TMEM63C: variants seen among roughly 807,000 people sequenced by gnomAD.
TMEM63C encodes osmosensitive cation channel TMEM63C.
A neutral mutation model predicts 99.2 loss-of-function variants in TMEM63C; 32 were observed. The ratio of observed to expected loss-of-function variants is 0.32; its 90% confidence interval spans 0.24 to 0.43. The LOEUF is 0.43. Ranked by LOEUF, TMEM63C falls within the 20% of genes least tolerant of loss-of-function variation. TMEM63C has a pLI of 1.00. For missense variants in TMEM63C, 826 were observed against 1,053.0 expected (o/e 0.78, Z 2.98); for synonymous variants, 376 against 397.9 (o/e 0.94, Z 0.66).
At chr14:77,201,717 G>A (rs535192389) in intron 1 of TMEM63C, among the ~76,000 whole-genome samples, 3 of 152,350 alleles carry the variant, frequency 2.0e-5, no homozygotes, top group Admixed American at 2.0e-4. Flanking sequence ...ACCCATTGCT[G>A]TAATGTTTCA....
chr14:77,201,394 G>A (rs531708342), intron 1 of TMEM63C, among the ~76,000 whole-genome samples: 39 of 152,352 alleles, frequency 2.6e-4, no homozygotes, highest in African/African-American at 9.1e-4. Flanking sequence ...GAGAGACAGT[G>A]AGACGGAAAG....
rs757417493 is a variant in TMEM63C at position 77,225,447 on chromosome 14, C to T, written c.336C>T (p.Asn112=). The T allele has an allele frequency of 3.1e-6, 5 of 1,613,250 alleles. No homozygotes were observed. The highest frequency in any genetic ancestry group is 1.6e-4 in the Middle Eastern group (1 of 6,078). ...RDKGFCSWFF[N]SITMKDEDLI... ...AGGGATTCTGTTCCTGGTTCTTCAACAGCATAACAATGAAGTAAGTGCCCG... is the reference window on the plus strand; with the variant it reads ...AGGGATTCTGTTCCTGGTTCTTCAATAGCATAACAATGAAGTAAGTGCCCG... The change falls in exon 6 of 24, where the codon AAC becomes AAT. Residue 112 remains asparagine (N), a synonymous_variant. Transcript: ENST00000298351.
intron 1 of TMEM63C, among the ~76,000 whole-genome samples, chr14:77,194,687 CCTCAGCTT>C (rs1888185978): frequency 6.6e-6 from 1 of 151,784 alleles, no homozygotes; most frequent in Non-Finnish European, 1.5e-5. Flanking sequence ...AATTCTCCCA[CCTCAGCTT>C]CCCGAGTAGC....
rs1487889013 is a variant in TMEM63C at position 77,249,336 on chromosome 14, T to C, written c.1916T>C (p.Met639Thr). Reference sequence around the variant, plus strand: ...AAGCACTTGACGGATCGCTATAACATGTACTACTCCTTTGCACCCACCAAA... The same window carrying C: ...AAGCACTTGACGGATCGCTATAACACGTACTACTCCTTTGCACCCACCAAA... Reference protein sequence around the residue: ...CMKHLTDRYNMYYSFAPTKLN... With the variant: ...CMKHLTDRYNTYYSFAPTKLN... Residue 639 changes from methionine to threonine, a missense_variant, in exon 21 of 24, where the codon ATG becomes ACG. Physicochemically the swap from Met to Thr is moderately conservative, Grantham distance 81. Transcript: ENST00000298351. 6.2e-7 allele frequency: 1 copy of C among 1,614,004 alleles called. No homozygotes were observed. Among genetic ancestry groups the C allele is most frequent in the African/African-American group, 1.3e-5 (1 of 75,050 alleles).
chr14:77,189,116 C>CTT (rs56357136), intron 1 of TMEM63C, among the ~76,000 whole-genome samples: 8 of 146,412 alleles, frequency 5.5e-5, no homozygotes, highest in South Asian at 4.3e-4. Flanking sequence ...TTTTCTTTTT[C>CTT]TTTTTTTTTT....
intron 7 of TMEM63C, among the ~76,000 whole-genome samples, chr14:77,233,053 A>C (rs186734772): frequency 1.3e-3 from 194 of 152,300 alleles, no homozygotes; most frequent in Admixed American, 4.4e-3. Context: ...ACTAATGCAC[A>C]TAGCCAGAAG....
At position 77,219,508 on chromosome 14, in the gene TMEM63C, T is replaced by A. The variant is rs1888651359; in HGVS notation, c.161T>A (p.Val54Glu). Residue 54 changes from valine to glutamate, a missense_variant, in exon 4 of 24, where the codon GTG becomes GAG. Val to Glu is a moderately radical substitution (Grantham distance 121). Coordinates refer to ENST00000298351, the MANE Select transcript of TMEM63C (RefSeq NM_020431.4). ...TTTCCTGGCCTGTAGCTCGTCCTTG[T>A]GGTTTACTCCTTCCTCCGGAAAGCT... ...LNIALWVLVL[V>E]VYSFLRKAAW... 1.2e-6 allele frequency: 2 copies of A among 1,613,910 alleles called. No homozygotes were observed. Among genetic ancestry groups the A allele is most frequent in the Non-Finnish European group, 1.7e-6 (2 of 1,179,864 alleles).
chr14:77,199,856 C>T (rs1888270484), intron 1 of TMEM63C, among the ~76,000 whole-genome samples: 1 of 152,178 alleles, frequency 6.6e-6, no homozygotes. Context: ...GCCGGGCCCA[C>T]TCAGACAACG....
chr14:77,225,493 G>C (rs759544787), intron 6 of TMEM63C, 32 bp downstream of exon 6: 1 of 1,610,974 alleles, frequency 6.2e-7, no homozygotes, highest in Non-Finnish European at 8.5e-7. Flanking sequence ...GCTTGTGACC[G>C]TGTTGCCTTG....
intron 1 of TMEM63C, among the ~76,000 whole-genome samples, chr14:77,193,435 G>A (rs867025501): frequency 1.3e-5 from 2 of 152,252 alleles, no homozygotes; most frequent in Middle Eastern, 3.4e-3. Context: ...GTGGCTCATG[G>A]TTGTAATCCC....
intron 16 of TMEM63C, among the ~76,000 whole-genome samples, chr14:77,245,583 TG>T (rs1889256810): frequency 6.6e-6 from 1 of 152,188 alleles, no homozygotes; most frequent in South Asian, 2.1e-4. Flanking sequence ...TCCATGTGGC[TG>T]GGGAAGCCTC....
chr14:77,242,784 G>T (rs1594867607), intron 14 of TMEM63C, 119 bp from the exon 15 acceptor site: 19 of 1,226,556 alleles, frequency 1.5e-5, no homozygotes, highest in Non-Finnish European at 2.2e-5. Flanking sequence ...GCAAGTCTGG[G>T]CCCAGGAGGC....
intron 1 of TMEM63C, among the ~76,000 whole-genome samples, chr14:77,182,697 C>T (rs1376916032): frequency 1.3e-5 from 2 of 152,152 alleles, no homozygotes; most frequent in Non-Finnish European, 2.9e-5. Context: ...TTGCAACTTC[C>T]GCATGGGGCT....
At chr14:77,182,383 C>T (rs1887928977) in intron 1 of TMEM63C, among the ~76,000 whole-genome samples, 1 of 152,192 alleles carries the variant, frequency 6.6e-6, no homozygotes. Flanking sequence ...GGGCTGGGCT[C>T]CTGGGCCCCC....
intron 4 of TMEM63C, 60 bp downstream of exon 4, chr14:77,219,637 C>A: frequency 1.3e-6 from 2 of 1,561,574 alleles, no homozygotes; most frequent in Non-Finnish European, 1.8e-6. Flanking sequence ...GTTGCCATGG[C>A]CAGGACGCAG....
intron 9 of TMEM63C, among the ~76,000 whole-genome samples, chr14:77,238,072 C>A (rs1889091856): frequency 6.6e-6 from 1 of 152,208 alleles, no homozygotes; most frequent in East Asian, 1.9e-4. Context: ...AAGCCTCTTT[C>A]AAGACCCCTG....
intron 6 of TMEM63C, 134 bp downstream of exon 6, chr14:77,225,595 C>T: frequency 2.4e-6 from 2 of 835,228 alleles, no homozygotes; most frequent in Admixed American, 2.9e-5. Context: ...CACCTCGGCC[C>T]ATTACCAGTG....
chr14:77,214,326 C>T (rs887225192), intron 2 of TMEM63C, among the ~76,000 whole-genome samples: 4 of 152,042 alleles, frequency 2.6e-5, no homozygotes, highest in Non-Finnish European at 5.9e-5. Flanking sequence ...CAAGGTCACC[C>T]GATGAGCGAT....
intron 16 of TMEM63C, 104 bp downstream of exon 16, chr14:77,244,559 AAGG>A (rs1306987904): frequency 2.4e-6 from 2 of 850,100 alleles, no homozygotes; most frequent in African/African-American, 1.7e-5. Flanking sequence ...CTAGCCTAAG[AAGG>A]AGAATTGATA....
Sources: gnomAD v4.1 joint callset for allele counts (sites outside exome capture counted in the v4.1 genomes callset) on GRCh38, gnomAD v4.1.1 for gene constraint, MANE v1.5 for transcripts, NCBI Gene and HGNC (gene_info 2026-07-23, HGNC 2026-07-21) for gene names.